CRMP1: variants seen among roughly 807,000 people sequenced by gnomAD.
CRMP1 encodes the protein collapsin response mediator protein 1.
CRMP1 carries 19 observed loss-of-function variants against 68.3 expected under a neutral mutation model. That is an observed-to-expected ratio of 0.28 (90% confidence interval 0.19 to 0.41). CRMP1 has a LOEUF of 0.41. Ranked by LOEUF, CRMP1 falls within the 10% of genes least tolerant of loss-of-function variation. The pLI, the probability that CRMP1 is intolerant of heterozygous loss-of-function variation, is 1.00. For synonymous variants in CRMP1, 439 were observed against 399.6 expected, an observed-to-expected ratio of 1.10 and a Z score of -1.18; for missense variants, 791 against 967.4, an observed-to-expected ratio of 0.82 and a Z score of 2.42.
Position 5,855,647 on chromosome 4 carries a change from A to G in CRMP1, c.820+496T>C, listed in dbSNP as rs780272898. Among the ~76,000 whole-genome samples, 5 of 152,202 alleles carry G rather than the reference A, an allele frequency of 3.3e-5. No homozygotes were observed. Among genetic ancestry groups the G allele is most frequent in the Admixed American group, 6.5e-5 (1 of 15,282 alleles). On this transcript the variant is annotated intron_variant, in intron 4 of 13. Transcript: ENST00000324989. The surrounding 1 kb of genome is among the most constrained non-coding windows in gnomAD (Gnocchi z 4.9). ...ATGTCCCATAATCCAGGAACAATGG[A>G]AAAAGTGCCCCAAAGGAGGCCTAAG...
Position 5,889,960 on chromosome 4 carries a change from T to A in CRMP1, c.381+2629A>T, listed in dbSNP as rs772609643. On this transcript the variant is annotated intron_variant, in intron 1 of 13. Transcript: ENST00000324989. This position sits in a 1 kb window ranked among gnomAD's most constrained non-coding sequence, Gnocchi z 4.5. The stretch of plus-strand genomic sequence containing the variant: ...GAAATTGAGGCTTACAGAGGTAAAA[T>A]GATGTACCCCGGGTGCAAAACATAT... The A allele has an allele frequency of 1.5e-6, 2 of 1,302,778 alleles. No homozygotes were observed. The highest frequency in any genetic ancestry group is 2.0e-6 in the Non-Finnish European group (2 of 1,016,742). The allele number at this position is 1,302,778 out of a possible 1,614,324, so 80.7% of individuals were successfully genotyped here. A position where few individuals can be genotyped will look rare whatever the true frequency, so the allele number is the denominator to read the frequency against.
intron 1 of CRMP1, chr4:5,887,612 A>T: frequency 1.0e-6 from 1 of 984,806 alleles, no homozygotes; most frequent in Non-Finnish European, 1.2e-6. Context: ...CAGCGTCGGG[A>T]ACATTAACCC....
intron 11 of CRMP1, among the ~76,000 whole-genome samples, chr4:5,833,958 A>G (rs907583609): frequency 8.5e-5 from 13 of 152,196 alleles, no homozygotes; most frequent in African/African-American, 3.1e-4. Flanking sequence ...AGGCAGGAGA[A>G]TGGCGTGAAC....
intron 4 of CRMP1, among the ~76,000 whole-genome samples, chr4:5,852,662 T>G (rs544456399): frequency 6.6e-6 from 1 of 152,246 alleles, no homozygotes. Context: ...CAACTCTCTG[T>G]GCAGGTCCCA....
chr4:5,864,737 G>A (rs1713863321), intron 2 of CRMP1, among the ~76,000 whole-genome samples: 1 of 152,266 alleles, frequency 6.6e-6, no homozygotes, highest in East Asian at 1.9e-4. Context: ...GGCCCACAAG[G>A]ACAAATAAGA....
At chr4:5,824,591 G>A (rs558287627) in intron 13 of CRMP1, 10 of 954,588 alleles carry the variant, frequency 1.0e-5, no homozygotes, top group African/African-American at 7.1e-5. Flanking sequence ...CCGGCCCACC[G>A]CCTGTTTCTG....
rs547901940 is a variant in CRMP1 at position 5,881,240 on chromosome 4, T to C, written c.381+11349A>G. ...TTGCTCTTGTTTTCTAGACAACTTC[T>C]CTATGAAGCATCCAAGATCCCACTC... On this transcript the variant is annotated intron_variant, in intron 1 of 13. Coordinates refer to ENST00000324989, the MANE Select transcript of CRMP1 (RefSeq NM_001014809.3). This position sits in a 1 kb window ranked among gnomAD's most constrained non-coding sequence, Gnocchi z 4.6. Among the ~76,000 whole-genome samples the C allele has an allele frequency of 2.0e-5, 3 of 152,320 alleles. No homozygotes were observed. The highest frequency in any genetic ancestry group is 2.0e-4 in the Admixed American group (3 of 15,296).
intron 8 of CRMP1, among the ~76,000 whole-genome samples, chr4:5,840,244 G>A (rs1372751188): frequency 6.6e-6 from 1 of 152,234 alleles, no homozygotes; most frequent in East Asian, 1.9e-4. Context: ...GGAGTTGGAT[G>A]TGTTTCTGTC....
rs1394294529 is a variant in CRMP1, at chr4:5,841,292, A to T, written c.1153+16T>A. On this transcript the variant is annotated intron_variant, in intron 8 of 13. Coordinates refer to ENST00000324989, the MANE Select transcript of CRMP1 (RefSeq NM_001014809.3). The surrounding 1 kb of genome is among the most constrained non-coding windows in gnomAD (Gnocchi z 6.9). ...GGCCCCAGCTGCCCCCAGAAGGCCCAGGGCCGGCTGCATACCTTTCTTCCT... is the reference window on the plus strand; with the variant it reads ...GGCCCCAGCTGCCCCCAGAAGGCCCTGGGCCGGCTGCATACCTTTCTTCCT... 1.7e-5 allele frequency: 27 copies of T among 1,613,858 alleles called. No individual in the cohort carries two copies. Among genetic ancestry groups the T allele is most frequent in the African/African-American group, 2.7e-5 (2 of 75,024 alleles).
intron 12 of CRMP1, 50 bp downstream of exon 12, chr4:5,828,439 T>TGAGG: frequency 6.3e-7 from 1 of 1,590,936 alleles, no homozygotes; most frequent in Non-Finnish European, 8.6e-7. Context: ...CAAGAGACGC[T>TGAGG]GTCGGCTCTG....
chr4:5,868,150 G>C (rs1351435057), intron 1 of CRMP1, among the ~76,000 whole-genome samples: 1 of 151,614 alleles, frequency 6.6e-6, no homozygotes, highest in African/African-American at 2.4e-5. Flanking sequence ...GAAATGATAT[G>C]CAAGTCAGAA....
chr4:5,886,769 G>C lies in CRMP1; in HGVS notation c.381+5820C>G, dbSNP rs529915239. Among the ~76,000 whole-genome samples, 4 of 152,356 alleles carry C rather than the reference G, an allele frequency of 2.6e-5. No homozygotes were observed. The South Asian group carries it at 8.3e-4, about 32-fold the overall frequency. On this transcript the variant is annotated intron_variant, in intron 1 of 13. Transcript: ENST00000324989. ...TTAGAGGGTCCCAAGGCAGGGACTT[G>C]TTCAAATATCACCTGCCTTCTTCTC...
Position 5,891,087 on chromosome 4 carries a change from A to G in CRMP1, c.381+1502T>C, listed in dbSNP as rs915929705. ...GTCGGACCACCAGGGAAGGTAGTGG[A>G]CAGGGGGAGATACAGAAGGGGTGGG... On this transcript the variant is annotated intron_variant, in intron 1 of 13. Transcript: ENST00000324989. This position sits in a 1 kb window ranked among gnomAD's most constrained non-coding sequence, Gnocchi z 5.2. 4.0e-5 allele frequency among the ~76,000 whole-genome samples: 6 copies of G among 151,584 alleles called. No homozygotes were observed. Among genetic ancestry groups the G allele is most frequent in the African/African-American group, 1.5e-4 (6 of 41,244 alleles).
At position 5,859,549 on chromosome 4, in the gene CRMP1, T is replaced by TA. The variant is rs1713383314; in HGVS notation, c.655+1476dup. On this transcript the variant is annotated intron_variant, in intron 3 of 13. Coordinates refer to ENST00000324989, the MANE Select transcript of CRMP1 (RefSeq NM_001014809.3). The surrounding 1 kb of genome is among the most constrained non-coding windows in gnomAD (Gnocchi z 5.2). ...AAACCACCCTAGGCACTTCCCACCA[T>TA]AAGGCCCACATTATAGATGAGGAAG... 6.6e-6 allele frequency among the ~76,000 whole-genome samples: 1 copy of TA among 152,132 alleles called. No individual in the cohort carries two copies. The highest frequency in any genetic ancestry group is 1.5e-5 in the Non-Finnish European group (1 of 68,018).
rs1031948579 is a variant in CRMP1 at position 5,883,473 on chromosome 4, G to C, written c.381+9116C>G. On this transcript the variant is annotated intron_variant, in intron 1 of 13. Coordinates refer to ENST00000324989, the MANE Select transcript of CRMP1 (RefSeq NM_001014809.3). This position sits in a 1 kb window ranked among gnomAD's most constrained non-coding sequence, Gnocchi z 4.5. ...CCGCCACCATGCCTGGCTAATTTTT[G>C]TATTTTTAGTAGAGACAGGGTTTCA... 6.6e-6 allele frequency among the ~76,000 whole-genome samples: 1 copy of C among 151,982 alleles called. No individual in the cohort carries two copies. The highest frequency in any genetic ancestry group is 1.5e-5 in the Non-Finnish European group (1 of 67,986).
At chr4:5,830,896 A>G (rs1410943036) in intron 11 of CRMP1, among the ~76,000 whole-genome samples, 3 of 152,196 alleles carry the variant, frequency 2.0e-5, no homozygotes, top group African/African-American at 7.2e-5. Context: ...TATGTTCACT[A>G]TATTGGATCT....
In CRMP1 at chr4:5,890,057, A is replaced by G. The variant is rs1715869221; in HGVS notation, c.381+2532T>C. The G allele has an allele frequency of 2.1e-6, 1 of 478,806 alleles. No individual in the cohort carries two copies. The highest frequency in any genetic ancestry group is 4.9e-5 in the Admixed American group (1 of 20,604). The allele number at this position is 478,806 out of a possible 1,614,324, so 29.7% of individuals were successfully genotyped here. On this transcript the variant is annotated intron_variant, in intron 1 of 13. Coordinates refer to ENST00000324989, the MANE Select transcript of CRMP1 (RefSeq NM_001014809.3). This position sits in a 1 kb window ranked among gnomAD's most constrained non-coding sequence, Gnocchi z 5.5. The stretch of plus-strand genomic sequence containing the variant: ...GTTTACAACTCATTTCCCTCCACGC[A>G]TTCATGCATCCCTGGCTCTCAGCGG...
At chr4:5,831,844 T>C (rs1720400887) in intron 11 of CRMP1, among the ~76,000 whole-genome samples, 1 of 152,194 alleles carries the variant, frequency 6.6e-6, no homozygotes, top group Non-Finnish European at 1.5e-5. Context: ...AACACCATGA[T>C]GAAAAAACCT....
Position 5,836,226 on chromosome 4 carries a change from A to G in CRMP1, c.1453-141T>C. 8 of 657,592 alleles carry G rather than the reference A, an allele frequency of 1.2e-5. 1 individual carries two copies. Among genetic ancestry groups the G allele is most frequent in the Non-Finnish European group, 1.8e-5 (8 of 451,102 alleles). 40.7% of individuals were successfully genotyped at this position (657,592 alleles called of 1,614,324 possible). A position where few individuals can be genotyped will look rare whatever the true frequency, so the allele number is the denominator to read the frequency against. ...CTCTCCCAGCTAAAAACGTGCCATC[A>G]TCAAGAACCCCAGAAGGCCCAGCCT... On this transcript the variant is annotated intron_variant, in intron 10 of 13. Coordinates refer to ENST00000324989, the MANE Select transcript of CRMP1 (RefSeq NM_001014809.3).
Sources: gnomAD v4.1 joint callset for allele counts (sites outside exome capture counted in the v4.1 genomes callset) on GRCh38, gnomAD v4.1.1 for gene constraint, Gnocchi (gnomAD v3.1) non-coding constraint, MANE v1.5 for transcripts, NCBI Gene and HGNC (gene_info 2026-07-23, HGNC 2026-07-21) for gene names.